The following ERBB4 variants were observed in gnomAD, a reference collection of about 807,000 sequenced individuals.
ERBB4 encodes the protein erb-b2 receptor tyrosine kinase 4.
Under a neutral mutation model 158.0 loss-of-function variants are expected in ERBB4, and 42 were observed. That is an observed-to-expected ratio of 0.27 (90% confidence interval 0.21 to 0.34). The LOEUF (loss-of-function observed/expected upper bound fraction) is 0.34, where lower values mean the gene tolerates loss of function less well. Ranked by LOEUF, ERBB4 falls within the 10% of genes least tolerant of loss-of-function variation. The pLI, the probability that ERBB4 is intolerant of heterozygous loss-of-function variation, is 1.00. For missense variants in ERBB4, 1,333 were observed against 1,624.1 expected (o/e 0.82, Z 3.08); for synonymous variants, 583 against 558.7 (o/e 1.04, Z -0.61).
intron 22 of ERBB4, among the ~76,000 whole-genome samples, chr2:211,426,647 A>G (rs560107030): frequency 6.6e-6 from 1 of 152,232 alleles, no homozygotes; most frequent in Non-Finnish European, 1.5e-5. Context: ...TGTTCTGCCC[A>G]GTTTATATAT....
intron 3 of ERBB4, among the ~76,000 whole-genome samples, chr2:211,904,691 G>C (rs2079330282): frequency 6.6e-6 from 1 of 151,980 alleles, no homozygotes; most frequent in African/African-American, 2.4e-5. Context: ...TATTTTATCA[G>C]AAATCTTACT....
At position 211,377,385 on chromosome 2, in the gene ERBB4, A is replaced by G; in HGVS notation, c.*6230T>C. ...TACAGGTATGAATCTTTGTTTTCCT[A>G]TATTTGTATATTTGCACAAATATAA... On this transcript the variant is annotated 3_prime_UTR_variant, in exon 28 of 28. Coordinates refer to ENST00000342788, the MANE Select transcript of ERBB4 (RefSeq NM_005235.3). 4.3e-6 allele frequency: 1 copy of G among 232,836 alleles called. No homozygotes were observed. Among genetic ancestry groups the G allele is most frequent in the Non-Finnish European group, 8.5e-6 (1 of 117,496 alleles). 14.4% of individuals were successfully genotyped at this position (232,836 alleles called of 1,614,324 possible).
intron 20 of ERBB4, among the ~76,000 whole-genome samples, chr2:211,521,699 C>T (rs917050913): frequency 6.6e-6 from 1 of 152,104 alleles, no homozygotes; most frequent in Admixed American, 6.5e-5. Context: ...CAAAGGTCAG[C>T]CTGACTCTCT....
chr2:212,293,848 AAAAAAAAAAAC>A (rs1458682686), intron 1 of ERBB4, among the ~76,000 whole-genome samples: 9 of 13,406 alleles, frequency 6.7e-4, no homozygotes, highest in Admixed American at 3.3e-3. Context: ...ACTCTGTCTC[AAAAAAAAAAAC>A]AAAAAAAAAA....
intron 20 of ERBB4, among the ~76,000 whole-genome samples, chr2:211,478,433 A>T (rs1054327024): frequency 6.6e-6 from 1 of 152,176 alleles, no homozygotes; most frequent in Non-Finnish European, 1.5e-5. Context: ...GTGTGTGTTC[A>T]AAAGGAATCA....
chr2:212,058,895 C>T (rs2077668714), intron 2 of ERBB4, among the ~76,000 whole-genome samples: 1 of 152,144 alleles, frequency 6.6e-6, no homozygotes, highest in Non-Finnish European at 1.5e-5. Flanking sequence ...CAGGGATGCC[C>T]TCTCTCATCA....
intron 3 of ERBB4, among the ~76,000 whole-genome samples, chr2:211,821,548 C>T (rs142659268): frequency 2.6e-5 from 4 of 151,820 alleles, no homozygotes; most frequent in African/African-American, 9.6e-5. Context: ...ACAAATGACG[C>T]TAAACAGACA....
chr2:212,318,144 T>C (rs1256101417), intron 1 of ERBB4, among the ~76,000 whole-genome samples: 2 of 151,526 alleles, frequency 1.3e-5, no homozygotes, highest in Non-Finnish European at 3.0e-5. Flanking sequence ...AGAAGTATTA[T>C]ATAAATTGCC....
chr2:211,407,604 C>T, intron 25 of ERBB4, among the ~76,000 whole-genome samples: 1 of 152,048 alleles, frequency 6.6e-6, no homozygotes, highest in East Asian at 1.9e-4. Context: ...GAGATATAGT[C>T]ATAGTATTTG....
chr2:212,005,421 C>A (rs1379509784), intron 2 of ERBB4, among the ~76,000 whole-genome samples: 2 of 152,032 alleles, frequency 1.3e-5, no homozygotes, highest in Non-Finnish European at 2.9e-5. Context: ...AAAAAAAATC[C>A]ACATGGTCAA....
chr2:212,388,512 A>G (rs937749779), intron 1 of ERBB4, among the ~76,000 whole-genome samples: 5 of 152,042 alleles, frequency 3.3e-5, no homozygotes, highest in African/African-American at 9.7e-5. Context: ...GGCAGAGAGG[A>G]AATCTGAGCA....
At chr2:212,069,716 G>T (rs1021779377) in intron 2 of ERBB4, among the ~76,000 whole-genome samples, 1 of 152,030 alleles carries the variant, frequency 6.6e-6, no homozygotes, top group African/African-American at 2.4e-5. Context: ...AGTTCAGCAA[G>T]ATTGCAGAAC....
rs776926673 is a variant in ERBB4, at chr2:211,657,791, G to T, written c.1909C>A (p.Pro637Thr). The T allele has an allele frequency of 6.2e-7, 1 of 1,613,936 alleles. No individual in the cohort carries two copies. The highest frequency in any genetic ancestry group is 8.5e-7 in the Non-Finnish European group (1 of 1,179,846). ...GGTAAAGTGGAATGGCCCGTCCATG[G>T]GTAGTAAATGCAGTCATGACTAGTG... ...GPTSHDCIYY[P>T]WTGHSTLPQH... The change falls in exon 16 of 28, where the codon CCA becomes ACA. Residue 637 changes from proline to threonine, a missense_variant. By Grantham distance (38) the Pro-to-Thr change is conservative (BLOSUM62 -1). Transcript: ENST00000342788.
chr2:212,495,888 A>G (rs1036122635), intron 1 of ERBB4, among the ~76,000 whole-genome samples: 19 of 152,286 alleles, frequency 1.2e-4, no homozygotes, highest in Admixed American at 2.6e-4. Flanking sequence ...ACAGCTCTCT[A>G]TGATTACTTA....
chr2:212,097,911 AAC>A (rs2078975331), intron 2 of ERBB4, among the ~76,000 whole-genome samples: 1 of 152,192 alleles, frequency 6.6e-6, no homozygotes, highest in South Asian at 2.1e-4. Flanking sequence ...GCATATAGAC[AAC>A]ACTTTCTGGG....
chr2:211,616,954 A>G (rs944772270), intron 19 of ERBB4, among the ~76,000 whole-genome samples: 5 of 152,106 alleles, frequency 3.3e-5, no homozygotes, highest in Non-Finnish European at 5.9e-5. Context: ...TGGCTCAACC[A>G]GAGCCTCATC....
intron 2 of ERBB4, among the ~76,000 whole-genome samples, chr2:212,014,482 G>A (rs1452382967): frequency 6.6e-6 from 1 of 152,142 alleles, no homozygotes; most frequent in Non-Finnish European, 1.5e-5. Context: ...GATGTAACAT[G>A]GAGATCTGTA....
rs190431980 is a variant in ERBB4 at position 212,061,529 on chromosome 2, T to C, written c.234+63223A>G. ...TGTGTTTCCATTAAGCCATATTCTA[T>C]AGTTTCTGGCATTCATTACACTTCA... On this transcript the variant is annotated intron_variant, in intron 2 of 27. Transcript: ENST00000342788. Among the ~76,000 whole-genome samples, 856 of 145,294 alleles carry C rather than the reference T, an allele frequency of 5.9e-3. 2 individuals carry two copies. Among genetic ancestry groups the C allele is most frequent in the Middle Eastern group, 7.4e-3 (2 of 272 alleles).
chr2:211,523,384 C>T (rs923700279), intron 20 of ERBB4, among the ~76,000 whole-genome samples: 3 of 150,754 alleles, frequency 2.0e-5, no homozygotes, highest in Non-Finnish European at 4.4e-5. Flanking sequence ...TCAGTGTTGC[C>T]CTGTCACAGT....
Sources: gnomAD v4.1 joint callset for allele counts (sites outside exome capture counted in the v4.1 genomes callset) on GRCh38, gnomAD v4.1.1 for gene constraint, MANE v1.5 for transcripts, NCBI Gene and HGNC (gene_info 2026-07-23, HGNC 2026-07-21) for gene names.